The following DIPK1C variants were observed in gnomAD, a reference collection of about 807,000 sequenced individuals.
DIPK1C encodes divergent protein kinase domain 1C, also known as familial non-conventional Alzheimer's dementia.
Under a neutral mutation model 28.0 loss-of-function variants are expected in DIPK1C, and 33 were observed. The observed-to-expected ratio is 1.18, with a 90% CI of 0.89 to 1.58. The LOEUF (loss-of-function observed/expected upper bound fraction) is 1.58, where lower values mean the gene tolerates loss of function less well. Among genes scored for constraint, DIPK1C ranks in the 40% most tolerant of loss-of-function variants. DIPK1C has a pLI of 0.00. For synonymous variants in DIPK1C, 255 were observed against 248.8 expected (o/e 1.02, Z -0.23); for missense variants, 569 against 568.5 (o/e 1.00, Z -0.01).
intron 1 of DIPK1C, among the ~76,000 whole-genome samples, chr18:74,453,882 T>C (rs532838959): frequency 6.6e-6 from 1 of 152,152 alleles, no homozygotes; most frequent in Admixed American, 6.5e-5. Context: ...AAATACTTCA[T>C]AGAGGTTGTT....
intron 1 of DIPK1C, among the ~76,000 whole-genome samples, chr18:74,455,670 G>T (rs1164959876): frequency 6.9e-6 from 1 of 144,534 alleles, no homozygotes; most frequent in African/African-American, 2.5e-5. Context: ...GGAGGTTGCG[G>T]TGAGCCGAGA....
At chr18:74,457,770 C>T (rs1986553349), upstream of DIPK1C, 1 of 140,316 alleles carries the variant, frequency 7.1e-6, no homozygotes. Flanking sequence ...CTCTGAGTCT[C>T]ACCCCAACTT....
Position 74,447,385 on chromosome 18 carries a change from C to T in DIPK1C, c.199-102G>A, listed in dbSNP as rs998674719. 3.3e-5 allele frequency: 39 copies of T among 1,171,750 alleles called. No homozygotes were observed. The highest frequency in any genetic ancestry group is 2.1e-4 in the South Asian group (13 of 62,292). The allele number at this position is 1,171,750 out of a possible 1,614,324, so 72.6% of individuals were successfully genotyped here. ...GACAGCCTAGCCTCTGCCCTCAGGA[C>T]GCTGATAATCCAGCTGTGCAGAGAA... On this transcript the variant is annotated intron_variant, in intron 1 of 3. Coordinates refer to ENST00000343998, the MANE Select transcript of DIPK1C (RefSeq NM_001044369.3). This position sits in a 1 kb window ranked among gnomAD's most constrained non-coding sequence, Gnocchi z 4.1.
chr18:74,449,260 CT>C (rs1170666387), intron 1 of DIPK1C, among the ~76,000 whole-genome samples: 1 of 152,168 alleles, frequency 6.6e-6, no homozygotes, highest in Admixed American at 6.5e-5. Context: ...ATACATTTTG[CT>C]GTAGAATTAT....
At chr18:74,457,757 C>T (rs1986552978), upstream of DIPK1C, 1 of 146,628 alleles carries the variant, frequency 6.8e-6, no homozygotes, top group Admixed American at 6.7e-5. Context: ...TAGAACCGCC[C>T]CCCTCTGAGT....
Position 74,442,100 on chromosome 18 carries a change from A to G in DIPK1C, c.893T>C (p.Val298Ala), listed in dbSNP as rs769699780. The G allele has an allele frequency of 1.9e-5, 30 of 1,614,018 alleles. No homozygotes were observed. Among genetic ancestry groups the G allele is most frequent in the Non-Finnish European group, 2.4e-5 (28 of 1,180,020 alleles). The change falls in exon 3 of 4, where the codon GTG becomes GCG. Residue 298 changes from valine to alanine, a missense_variant. Physicochemically the swap from Val to Ala is moderately conservative, Grantham distance 64. Transcript: ENST00000343998. The stretch of plus-strand genomic sequence containing the variant: ...TTTAGGTTCAAAAAAGGCCATGTCC[A>G]CATCAATAGCCACCACCTGTAATCA... ...RSDFTVVAID[V>A]DMAFFEPKMR...
chr18:74,446,776 A>G lies in DIPK1C; in HGVS notation c.706T>C (p.Phe236Leu), dbSNP rs1441300335. Residue 236 changes from phenylalanine (F) to leucine (L), a missense_variant, in exon 2 of 4, where the codon TTC becomes CTC. Coordinates refer to ENST00000343998, the MANE Select transcript of DIPK1C (RefSeq NM_001044369.3). ...AAGSPHHRAL[F>L]PLDRAPGAPG... is the part of the protein sequence containing the mutation. ...GCACCTGGGGCCCGGTCCAGGGGGAAGAGTGCCCTGTGGTGGGGGCTGCCC... is the reference window on the plus strand; with the variant it reads ...GCACCTGGGGCCCGGTCCAGGGGGAGGAGTGCCCTGTGGTGGGGGCTGCCC... The G allele has an allele frequency of 4.6e-6, 7 of 1,511,422 alleles. No individual in the cohort carries two copies. The highest frequency in any genetic ancestry group is 1.7e-4 in the Middle Eastern group (1 of 5,790). The allele number at this position is 1,511,422 out of a possible 1,614,324, so 93.6% of individuals were successfully genotyped here.
chr18:74,446,865 C>A lies in DIPK1C; in HGVS notation c.617G>T (p.Ser206Ile). The A allele has an allele frequency of 6.6e-7, 1 of 1,517,976 alleles. No individual in the cohort carries two copies. Among genetic ancestry groups the A allele is most frequent in the South Asian group, 1.2e-5 (1 of 80,096 alleles). 94.0% of individuals were successfully genotyped at this position (1,517,976 alleles called of 1,614,324 possible). The change falls in exon 2 of 4, where the codon AGC becomes ATC. Residue 206 changes from serine (S) to isoleucine (I), a missense_variant. Physicochemically the swap from Ser to Ile is moderately radical, Grantham distance 142. Transcript: ENST00000343998. ...ACCCAGCACGGGCAGCACGTGTGGG[C>A]TCAGGTCCTGCAGCAGGCTGAAGTA... ...YVYFSLLQDL[S>I]PHVLPVLGSC...
Position 74,446,771 on chromosome 18 carries a change from G to T in DIPK1C, c.711C>A (p.Pro237=). The T allele has an allele frequency of 6.6e-7, 1 of 1,515,380 alleles. No homozygotes were observed. Among genetic ancestry groups the T allele is most frequent in the Non-Finnish European group, 8.9e-7 (1 of 1,129,362 alleles). 93.9% of individuals were successfully genotyped at this position (1,515,380 alleles called of 1,614,324 possible). A position where few individuals can be genotyped will look rare whatever the true frequency, so the allele number is the denominator to read the frequency against. ...CAGGGGCACCTGGGGCCCGGTCCAGGGGGAAGAGTGCCCTGTGGTGGGGGC... is the reference window on the plus strand; with the variant it reads ...CAGGGGCACCTGGGGCCCGGTCCAGTGGGAAGAGTGCCCTGTGGTGGGGGC... The part of the protein sequence containing the change: ...AGSPHHRALF[P]LDRAPGAPGG... The change falls in exon 2 of 4, where the codon CCC becomes CCA. Residue 237 remains proline (P), a synonymous_variant. Transcript: ENST00000343998.
intron 1 of DIPK1C, among the ~76,000 whole-genome samples, chr18:74,455,971 A>C (rs1986503336): frequency 6.6e-6 from 1 of 152,196 alleles, no homozygotes. Flanking sequence ...TACTTTAAAA[A>C]CTTTGTGGTC....
At chr18:74,446,522 A>C in intron 2 of DIPK1C, 84 bp downstream of exon 2, 1 of 1,294,410 alleles carries the variant, frequency 7.7e-7, no homozygotes, top group Non-Finnish European at 1.0e-6. Context: ...TCAGGCCAGG[A>C]GCTCAGAAAC....
At chr18:74,457,012 T>TC (rs1407305841) in intron 1 of DIPK1C, 50 bp downstream of exon 1, 4 of 1,362,268 alleles carry the variant, frequency 2.9e-6, no homozygotes, top group Non-Finnish European at 2.8e-6. Flanking sequence ...GCGGGTGTGA[T>TC]CCCCCCTCCC....
chr18:74,445,379 AC>A (rs1986236368), intron 2 of DIPK1C, among the ~76,000 whole-genome samples: 1 of 152,188 alleles, frequency 6.6e-6, no homozygotes. Context: ...ACTTTGAGGC[AC>A]CCGTAGGTTG....
At chr18:74,444,852 C>T (rs1460523368) in intron 2 of DIPK1C, among the ~76,000 whole-genome samples, 3 of 152,048 alleles carry the variant, frequency 2.0e-5, no homozygotes, top group Admixed American at 6.5e-5. Flanking sequence ...CGCATAGTCA[C>T]GATTTCATTG....
Position 74,447,722 on chromosome 18 carries a change from G to A in DIPK1C, c.199-439C>T, listed in dbSNP as rs151080046. ...AGCTAGGTCAGGTCTCAGCAGAGGG[G>A]ACCCCAGGAGCCCTATCTGCCCCCA... On this transcript the variant is annotated intron_variant, in intron 1 of 3. Transcript: ENST00000343998. This position sits in a 1 kb window ranked among gnomAD's most constrained non-coding sequence, Gnocchi z 4.1. 0.01 allele frequency among the ~76,000 whole-genome samples: 1,526 copies of A among 152,262 alleles called. 21 individuals carry two copies. The highest frequency in any genetic ancestry group is 0.033 in the African/African-American group (1,374 of 41,550).
chr18:74,456,343 C>T (rs1986510902), intron 1 of DIPK1C, among the ~76,000 whole-genome samples: 1 of 152,272 alleles, frequency 6.6e-6, no homozygotes, highest in Non-Finnish European at 1.5e-5. Flanking sequence ...CTCCCTAATT[C>T]TCTGGCTCAG....
rs147468402 is a variant in DIPK1C at position 74,447,263 on chromosome 18, G to A, written c.219C>T (p.Gly73=). 1.5e-4 allele frequency: 233 copies of A among 1,540,088 alleles called. No homozygotes were observed. Among genetic ancestry groups the A allele is most frequent in the Admixed American group, 3.4e-4 (17 of 50,430 alleles). ...LAALCQDYQG[G]TLAGDLCEDL... is the part of the protein sequence containing the mutation. ...CCTCGCAGAGGTCCCCGGCCAGCGTGCCGCCCTGGTAGTCCTGGCACTGGA... is the reference window on the plus strand; with the variant it reads ...CCTCGCAGAGGTCCCCGGCCAGCGTACCGCCCTGGTAGTCCTGGCACTGGA... The change falls in exon 2 of 4, where the codon GGC becomes GGT. Residue 73 remains glycine, a synonymous_variant. Transcript: ENST00000343998. The surrounding 1 kb of genome is among the most constrained non-coding windows in gnomAD (Gnocchi z 4.1).
chr18:74,464,563 C>G, the DIPK1C span, among the ~76,000 whole-genome samples: 52 of 152,240 alleles, frequency 3.4e-4, no homozygotes, highest in Non-Finnish European at 5.9e-4. Flanking sequence ...TTAGGGTTCA[C>G]TCTTGGTGCT....
At chr18:74,464,332 C>T in the DIPK1C span, among the ~76,000 whole-genome samples, 5,209 of 152,290 alleles carry the variant, frequency 0.034, 162 homozygotes, top group East Asian at 0.11. Context: ...TTGGTTCCAC[C>T]TCTCTCTCAC....
Sources: allele counts gnomAD v4.1 joint callset (sites outside exome capture counted in the v4.1 genomes callset), GRCh38; gene constraint gnomAD v4.1.1; non-coding constraint Gnocchi (gnomAD v3.1); transcripts MANE v1.5; gene names NCBI Gene and HGNC (gene_info 2026-07-23, HGNC 2026-07-21).